The following CCDC88A variants were observed in gnomAD, a reference collection of about 807,000 sequenced individuals.
The protein encoded by CCDC88A is coiled-coil and HOOK domain protein 88A.
CCDC88A carries 54 observed loss-of-function variants against 234.3 expected under a neutral mutation model. That is an observed-to-expected ratio of 0.23 (90% CI 0.19 to 0.29). The LOEUF (loss-of-function observed/expected upper bound fraction) is 0.29, where lower values mean the gene tolerates loss of function less well. CCDC88A is among the 10% of genes least tolerant of loss of function. CCDC88A has a pLI of 1.00. For missense variants in CCDC88A, 1,832 were observed against 2,123.4 expected, an observed-to-expected ratio of 0.86 and a Z score of 2.70; for synonymous variants, 753 against 737.8, an observed-to-expected ratio of 1.02 and a Z score of -0.33.
rs1558789492 is a variant in CCDC88A, at chr2:55,384,667, A to ATATTT, written c.273+4110_273+4111insAAATA. ...TATATATACATATATATATATATAT[A>ATATTT]TTTTTTAAAGACAGAGTCTCGCTCT... On this transcript the variant is annotated intron_variant, in intron 3 of 32. Transcript: ENST00000436346. Among the ~76,000 whole-genome samples, 13 of 5,858 alleles carry ATATTT rather than the reference A, an allele frequency of 2.2e-3. 5 individuals are homozygous for ATATTT. Among genetic ancestry groups the ATATTT allele is most frequent in the African/African-American group, 5.2e-3 (12 of 2,292 alleles). The allele number at this position is 5,858 out of a possible 152,430, so 3.8% of individuals were successfully genotyped here.
At chr2:55,385,040 A>G (rs948399690) in intron 3 of CCDC88A, among the ~76,000 whole-genome samples, 1 of 152,144 alleles carries the variant, frequency 6.6e-6, no homozygotes, top group Non-Finnish European at 1.5e-5. Context: ...CCTTGACTTG[A>G]ATACAAAGAA....
chr2:55,418,726 CA>C (rs1681867837), intron 2 of CCDC88A, 89 bp downstream of exon 2: 1 of 1,034,234 alleles, frequency 9.7e-7, no homozygotes, highest in South Asian at 1.3e-5. Context: ...GCCAATGAAC[CA>C]AATTAGGGGC....
Position 55,372,522 on chromosome 2 carries a change from A to G in CCDC88A, c.344-12T>C, listed in dbSNP as rs559816832. The G allele has an allele frequency of 2.4e-5, 30 of 1,268,926 alleles. No individual in the cohort carries two copies. The highest frequency in any genetic ancestry group is 1.8e-4 in the Admixed American group (10 of 55,622). The allele number at this position is 1,268,926 out of a possible 1,614,324, so 78.6% of individuals were successfully genotyped here. ...TTCTGTGCCTTGTTCTAAAATAGAA[A>G]CAATTATTAAGGACAACATTCTGCT... On this transcript the variant is annotated splice_polypyrimidine_tract_variant and intron_variant, in intron 4 of 32. Coordinates refer to ENST00000436346, the MANE Select transcript of CCDC88A (RefSeq NM_001365480.1).
intron 5 of CCDC88A, among the ~76,000 whole-genome samples, chr2:55,371,637 C>T (rs1672863448): frequency 6.6e-6 from 1 of 152,086 alleles, no homozygotes; most frequent in African/African-American, 2.4e-5. Flanking sequence ...TTACACATGC[C>T]ATTCCACTGT....
intron 7 of CCDC88A, among the ~76,000 whole-genome samples, chr2:55,359,460 C>T (rs1671001125): frequency 6.6e-6 from 1 of 151,926 alleles, no homozygotes; most frequent in Non-Finnish European, 1.5e-5. Flanking sequence ...TCTCTAATGG[C>T]AGTAACTTCT....
intron 2 of CCDC88A, among the ~76,000 whole-genome samples, chr2:55,409,585 G>A (rs1014426179): frequency 3.9e-5 from 6 of 152,086 alleles, no homozygotes; most frequent in African/African-American, 1.4e-4. Context: ...ATTGATCTTT[G>A]AATGAACTAG....
chr2:55,295,459 T>C, intron 31 of CCDC88A, 138 bp downstream of exon 31: 1 of 1,565,374 alleles, frequency 6.4e-7, no homozygotes, highest in African/African-American at 1.4e-5. Flanking sequence ...AAATGTGACC[T>C]TCCTGTTCTT....
At chr2:55,324,400 TTC>T (rs1402417861) in intron 17 of CCDC88A, 1 of 152,202 alleles carries the variant, frequency 6.6e-6, no homozygotes, top group Non-Finnish European at 1.5e-5. Flanking sequence ...CTGTTTTCAT[TTC>T]TTTCACAAAA....
intron 5 of CCDC88A, among the ~76,000 whole-genome samples, chr2:55,371,423 A>G (rs1433994007): frequency 6.6e-6 from 1 of 152,214 alleles, no homozygotes; most frequent in African/African-American, 2.4e-5. Flanking sequence ...TTATTTGTTT[A>G]TAAATAACCT....
At position 55,374,811 on chromosome 2, in the gene CCDC88A, T is replaced by A. The variant is rs1207225563; in HGVS notation, c.343+3A>T. 1 of 1,584,672 alleles carries A rather than the reference T, an allele frequency of 6.3e-7. No individual in the cohort carries two copies. The highest frequency in any genetic ancestry group is 1.1e-5 in the South Asian group (1 of 89,824). Reference sequence around the variant, plus strand: ...ACTTTCACAGCTTAATTTTAATACTTACCAGAAAAGGGATTTTTGCCAATG... The same window carrying A: ...ACTTTCACAGCTTAATTTTAATACTAACCAGAAAAGGGATTTTTGCCAATG... On this transcript the variant is annotated splice_donor_region_variant and intron_variant, in intron 4 of 32. Coordinates refer to ENST00000436346, the MANE Select transcript of CCDC88A (RefSeq NM_001365480.1).
In CCDC88A at chr2:55,328,484, A is replaced by AT. The variant is rs746407937; in HGVS notation, c.2856-50dup. 1.5e-6 allele frequency: 2 copies of AT among 1,309,732 alleles called. No individual in the cohort carries two copies. The highest frequency in any genetic ancestry group is 5.8e-5 in the Admixed American group (2 of 34,498). The allele number at this position is 1,309,732 out of a possible 1,614,324, so 81.1% of individuals were successfully genotyped here. The stretch of plus-strand genomic sequence containing the variant: ...GTTCATTATTGGAGGTCAGAAAATT[A>AT]TTTTTAAAGATAATTTATGACCACA... On this transcript the variant is annotated intron_variant, in intron 16 of 32. Transcript: ENST00000436346. This position sits in a 1 kb window ranked among gnomAD's most constrained non-coding sequence, Gnocchi z 4.3.
rs1385100148 is a variant in CCDC88A, at chr2:55,290,186, TC to T, written c.*1013del. The T allele has an allele frequency of 6.6e-6, 1 of 152,516 alleles. No homozygotes were observed. Among genetic ancestry groups the T allele is most frequent in the African/African-American group, 2.4e-5 (1 of 41,442 alleles). 9.4% of individuals were successfully genotyped at this position (152,516 alleles called of 1,614,324 possible). ...ATTTCAAAAGTACCAATAACAGTTA[TC>T]AACTTTAATGTAATATCATAAAGGA... On this transcript the variant is annotated 3_prime_UTR_variant, in exon 33 of 33. Transcript: ENST00000436346.
At chr2:55,409,659 A>G (rs11125569) in intron 2 of CCDC88A, among the ~76,000 whole-genome samples, 1 of 151,188 alleles carries the variant, frequency 6.6e-6, no homozygotes, top group African/African-American at 2.4e-5. Context: ...CCCTGAGTCC[A>G]ACTCCGGCCC....
At chr2:55,374,344 G>C (rs1469999163) in intron 4 of CCDC88A, among the ~76,000 whole-genome samples, 3 of 151,756 alleles carry the variant, frequency 2.0e-5, no homozygotes, top group Non-Finnish European at 4.4e-5. Flanking sequence ...CTCTAGCCTG[G>C]GCAACAAGAG....
At chr2:55,324,646 T>A (rs529031095) in intron 17 of CCDC88A, among the ~76,000 whole-genome samples, 7 of 149,374 alleles carry the variant, frequency 4.7e-5, no homozygotes, top group African/African-American at 1.8e-4. Context: ...ATTATCACCT[T>A]CTTTTTCTTT....
chr2:55,308,517 A>T (rs1305107846), intron 25 of CCDC88A: 1 of 302,378 alleles, frequency 3.3e-6, no homozygotes, highest in African/African-American at 2.2e-5. Context: ...CAAAGGTAAA[A>T]GGCTTGCCCA....
At chr2:55,382,344 A>G (rs1674730204) in intron 3 of CCDC88A, among the ~76,000 whole-genome samples, 1 of 152,188 alleles carries the variant, frequency 6.6e-6, no homozygotes. Context: ...CCATACAAAC[A>G]TTTCCTAATA....
At chr2:55,348,459 G>C (rs1391347705) in intron 9 of CCDC88A, 1 of 151,940 alleles carries the variant, frequency 6.6e-6, no homozygotes. Flanking sequence ...ATTTTTAGTA[G>C]AGACAGGGTT....
rs1683141818 is a variant in CCDC88A, at chr2:55,317,592, C to G, written c.3574G>C (p.Glu1192Gln). ...TCTTCAAGGTCTCTATGTTCCACCT[C>G]AAGATTTTTGTGGGCAGACTTCAGA... The part of the protein sequence containing the change: ...GTLKSAHKNL[E>Q]VEHRDLEDRY... The change falls in exon 20 of 33, where the codon GAG becomes CAG. Residue 1192 changes from glutamate to glutamine, a missense_variant. Coordinates refer to ENST00000436346, the MANE Select transcript of CCDC88A (RefSeq NM_001365480.1). This position sits in a 1 kb window ranked among gnomAD's most constrained non-coding sequence, Gnocchi z 4.2. 1 of 1,584,468 alleles carries G rather than the reference C, an allele frequency of 6.3e-7. No individual in the cohort carries two copies. Among genetic ancestry groups the G allele is most frequent in the Non-Finnish European group, 8.6e-7 (1 of 1,159,652 alleles).
Sources: allele counts gnomAD v4.1 joint callset (sites outside exome capture counted in the v4.1 genomes callset), GRCh38; gene constraint gnomAD v4.1.1; non-coding constraint Gnocchi (gnomAD v3.1); transcripts MANE v1.5; gene names NCBI Gene and HGNC (gene_info 2026-07-23, HGNC 2026-07-21).